Variants in NBEA observed in about 807,000 individuals in gnomAD.
The protein encoded by NBEA is neurobeachin.
A neutral mutation model predicts 343.4 loss-of-function variants in NBEA; 44 were observed. The observed-to-expected ratio is 0.13, with a 90% CI of 0.10 to 0.16. The LOEUF is 0.16. Among genes scored for constraint, NBEA ranks in the 10% least tolerant of loss-of-function variants. The pLI, the probability that NBEA is intolerant of heterozygous loss-of-function variation, is 1.00. For synonymous variants in NBEA, 1,175 were observed against 1,238.7 expected (o/e 0.95, Z 1.08); for missense variants, 2,555 against 3,631.3 (o/e 0.70, Z 7.62).
chr13:35,466,667 C>T (rs1389891033), intron 40 of NBEA, among the ~76,000 whole-genome samples: 1 of 152,038 alleles, frequency 6.6e-6, no homozygotes, highest in Non-Finnish European at 1.5e-5. Flanking sequence ...TGAGATCTCG[C>T]TATATTGCCC....
chr13:35,218,271 T>C (rs1291096241), intron 33 of NBEA, among the ~76,000 whole-genome samples: 1 of 152,124 alleles, frequency 6.6e-6, no homozygotes, highest in African/African-American at 2.4e-5. Flanking sequence ...AAATGAATTT[T>C]ATATTCTTAT....
chr13:34,953,145 A>G (rs9542763), intron 1 of NBEA, among the ~76,000 whole-genome samples: 47,274 of 152,068 alleles, frequency 0.31, 8,235 homozygotes, highest in Middle Eastern at 0.52. Context: ...ATCTTGACCT[A>G]TATTGTGAAA....
chr13:35,136,343 G>C (rs1399374457), intron 17 of NBEA, among the ~76,000 whole-genome samples: 1 of 151,906 alleles, frequency 6.6e-6, no homozygotes, highest in African/African-American at 2.4e-5. Context: ...GTTCTTTTTT[G>C]AAACAAGGAG....
intron 24 of NBEA, among the ~76,000 whole-genome samples, chr13:35,166,596 CATAGCTGATTTT>C (rs1037463832): frequency 2.6e-5 from 4 of 152,094 alleles, no homozygotes; most frequent in African/African-American, 9.7e-5. Context: ...GGTTGTACAA[CATAGCTGATTTT>C]ATGTTTTTAG....
At position 35,065,459 on chromosome 13, in the gene NBEA, G is replaced by A. The variant is rs544433126; in HGVS notation, c.1240-4449G>A. 3.3e-5 allele frequency among the ~76,000 whole-genome samples: 5 copies of A among 151,898 alleles called. No individual in the cohort carries two copies. The South Asian group carries it at 1.0e-3, about 32-fold the overall frequency. ...TGGTCACTGTGAGTTAATTTCTCAG[G>A]TATGTGGTGTCCACTTTCATATGTA... On this transcript the variant is annotated intron_variant, in intron 8 of 58. Coordinates refer to ENST00000379939, the MANE Select transcript of NBEA (RefSeq NM_001385012.1).
At chr13:34,972,509 A>G (rs2060031023) in intron 1 of NBEA, among the ~76,000 whole-genome samples, 1 of 152,190 alleles carries the variant, frequency 6.6e-6, no homozygotes, top group Admixed American at 6.5e-5. Flanking sequence ...TATGTCCCAG[A>G]GATTCTGGTA....
At chr13:35,621,094 C>T (rs1388116446) in intron 48 of NBEA, among the ~76,000 whole-genome samples, 1 of 152,140 alleles carries the variant, frequency 6.6e-6, no homozygotes, top group Admixed American at 6.6e-5. Flanking sequence ...TTCAGGACAT[C>T]GAATGCTTAT....
At chr13:35,368,613 A>G (rs1253600885) in intron 38 of NBEA, among the ~76,000 whole-genome samples, 1 of 151,590 alleles carries the variant, frequency 6.6e-6, no homozygotes, top group Non-Finnish European at 1.5e-5. Flanking sequence ...TGATACTACT[A>G]TTGTTCGTTT....
chr13:35,427,420 T>C (rs911999850), intron 38 of NBEA, among the ~76,000 whole-genome samples: 2 of 152,232 alleles, frequency 1.3e-5, no homozygotes, highest in Non-Finnish European at 2.9e-5. Context: ...TTTGCCTGGG[T>C]ATCAGCAGCG....
intron 5 of NBEA, 117 bp from the exon 6 acceptor site, chr13:35,050,152 A>G: frequency 3.8e-6 from 3 of 791,124 alleles, no homozygotes; most frequent in Non-Finnish European, 5.4e-6. Flanking sequence ...GACACATATT[A>G]AACTGCTTCT....
At chr13:35,350,969 A>G (rs1158365768) in intron 37 of NBEA, among the ~76,000 whole-genome samples, 1 of 151,984 alleles carries the variant, frequency 6.6e-6, no homozygotes, top group Non-Finnish European at 1.5e-5. Context: ...AGAAAAATGA[A>G]AATTTAATTT....
intron 40 of NBEA, among the ~76,000 whole-genome samples, chr13:35,462,412 C>T (rs577419142): frequency 1.3e-5 from 2 of 152,272 alleles, no homozygotes; most frequent in South Asian, 4.1e-4. Flanking sequence ...AGAGTTGTTG[C>T]AGATGGCGGG....
intron 8 of NBEA, among the ~76,000 whole-genome samples, chr13:35,068,690 G>T (rs1480536611): frequency 2.0e-5 from 3 of 152,088 alleles, no homozygotes; most frequent in African/African-American, 7.2e-5. Flanking sequence ...TTTTCTTTTA[G>T]ATAGTCTCTA....
intron 18 of NBEA, among the ~76,000 whole-genome samples, chr13:35,151,114 T>A (rs1435931084): frequency 7.4e-6 from 1 of 134,802 alleles, no homozygotes; most frequent in Admixed American, 7.5e-5. Context: ...ACACTGGCTC[T>A]AAAAAAAAAA....
chr13:34,966,958 C>CT (rs576261074), intron 1 of NBEA, among the ~76,000 whole-genome samples: 2,504 of 131,146 alleles, frequency 0.019, 55 homozygotes, highest in African/African-American at 0.052. Flanking sequence ...ACTAACCTTT[C>CT]TTTTTTTTTT....
At chr13:35,189,486 T>C (rs986915837) in intron 30 of NBEA, among the ~76,000 whole-genome samples, 1 of 152,018 alleles carries the variant, frequency 6.6e-6, no homozygotes, top group Non-Finnish European at 1.5e-5. Context: ...ATTAGTATTA[T>C]TGGTTGCCTC....
chr13:35,508,745 G>A (rs773365798), intron 41 of NBEA, among the ~76,000 whole-genome samples: 65 of 152,232 alleles, frequency 4.3e-4, no homozygotes, highest in Middle Eastern at 3.4e-3. Context: ...ACATTTCAGT[G>A]GTAATACCCA....
intron 36 of NBEA, among the ~76,000 whole-genome samples, chr13:35,338,929 T>C (rs1289861237): frequency 6.6e-6 from 1 of 152,106 alleles, no homozygotes; most frequent in Non-Finnish European, 1.5e-5. Context: ...TAAAATCATT[T>C]GACAAAATTT....
intron 41 of NBEA, among the ~76,000 whole-genome samples, chr13:35,503,242 A>G (rs1056321777): frequency 6.6e-6 from 1 of 151,726 alleles, no homozygotes; most frequent in African/African-American, 2.4e-5. Flanking sequence ...AGTGTAGTCA[A>G]TATATAATAG....
Sources: allele counts gnomAD v4.1 joint callset (sites outside exome capture counted in the v4.1 genomes callset), GRCh38; gene constraint gnomAD v4.1.1; transcripts MANE v1.5; gene names NCBI Gene and HGNC (gene_info 2026-07-23, HGNC 2026-07-21).